The following SLC35F2 variants were observed in gnomAD, a reference collection of about 807,000 sequenced individuals.
The protein encoded by SLC35F2 is solute carrier family 35 member F2, also known as queuine/queuosine transporter SLC35F2.
In SLC35F2, 25 loss-of-function variants were observed where a neutral mutation model predicts 38.1. That is an observed-to-expected ratio of 0.66 (90% CI 0.48 to 0.92). The LOEUF (loss-of-function observed/expected upper bound fraction) is 0.92. Ranked by LOEUF, SLC35F2 falls within the 40% of genes least tolerant of loss-of-function variation. The pLI is 0.00. For synonymous variants in SLC35F2, 173 were observed against 181.7 expected (o/e 0.95, Z 0.38); for missense variants, 409 against 452.9 (o/e 0.90, Z 0.88).
At chr11:107,839,817 C>A (rs576168158) in intron 1 of SLC35F2, among the ~76,000 whole-genome samples, 1 of 152,186 alleles carries the variant, frequency 6.6e-6, no homozygotes, top group East Asian at 1.9e-4. Context: ...CCACGCCTGG[C>A]TAATTTTGTA....
intron 7 of SLC35F2, among the ~76,000 whole-genome samples, chr11:107,795,992 G>A (rs919106548): frequency 3.9e-5 from 6 of 152,098 alleles, no homozygotes; most frequent in South Asian, 4.1e-4. Flanking sequence ...AAACTAGCTG[G>A]GTGTGGTGGT....
At position 107,792,621 on chromosome 11, in the gene SLC35F2, G is replaced by T. The variant is rs757436900; in HGVS notation, c.1119C>A (p.Val373=). ...EENLQETHSA[V]L is the part of the protein sequence containing the mutation. ...GGTGCGCCATCTTCTCCAGCTACAAGACAGCAGAGTGGGTCTCCTGGAGGT... is the reference window on the plus strand; with the variant it reads ...GGTGCGCCATCTTCTCCAGCTACAATACAGCAGAGTGGGTCTCCTGGAGGT... The change falls in exon 8 of 8, where the codon GTC becomes GTA. Residue 373 remains valine, a synonymous_variant. Coordinates refer to ENST00000525815, the MANE Select transcript of SLC35F2 (RefSeq NM_017515.5). 2 of 1,609,454 alleles carry T rather than the reference G, an allele frequency of 1.2e-6. No homozygotes were observed. The highest frequency in any genetic ancestry group is 1.7e-6 in the Non-Finnish European group (2 of 1,178,290).
intron 1 of SLC35F2, among the ~76,000 whole-genome samples, chr11:107,816,776 T>C (rs1859581009): frequency 6.6e-6 from 1 of 152,174 alleles, no homozygotes; most frequent in Non-Finnish European, 1.5e-5. Context: ...CATGCTGGAT[T>C]TTGTTTAATT....
At chr11:107,797,921 T>C (rs1859246201) in intron 7 of SLC35F2, among the ~76,000 whole-genome samples, 1 of 152,228 alleles carries the variant, frequency 6.6e-6, no homozygotes, top group Non-Finnish European at 1.5e-5. Flanking sequence ...AAAAAATTGA[T>C]TCAGAGAATA....
intron 1 of SLC35F2, 82 bp downstream of exon 1, chr11:107,858,576 G>T: frequency 8.4e-7 from 1 of 1,188,234 alleles, no homozygotes; most frequent in Non-Finnish European, 1.1e-6. Flanking sequence ...GCCTCAGAGA[G>T]TGTGCTCCTT....
intron 1 of SLC35F2, chr11:107,821,405 CATA>C (rs1859670083): frequency 2.5e-5 from 25 of 985,232 alleles, no homozygotes; most frequent in Non-Finnish European, 2.9e-5. Flanking sequence ...GGCTCCAAAT[CATA>C]ATGACCTCAT....
At chr11:107,814,233 C>T (rs370007760) in intron 2 of SLC35F2, among the ~76,000 whole-genome samples, 6 of 152,070 alleles carry the variant, frequency 3.9e-5, no homozygotes, top group South Asian at 4.2e-4. Flanking sequence ...TTTGGGAGGC[C>T]GAGGCAGACA....
intron 1 of SLC35F2, among the ~76,000 whole-genome samples, chr11:107,830,346 G>T (rs929197848): frequency 1.4e-4 from 22 of 152,124 alleles, no homozygotes; most frequent in African/African-American, 4.8e-4. Flanking sequence ...AGCACTGTGG[G>T]AGGCCGAGGC....
intron 1 of SLC35F2, among the ~76,000 whole-genome samples, chr11:107,826,589 G>A (rs2134815688): frequency 6.6e-6 from 1 of 152,240 alleles, no homozygotes; most frequent in African/African-American, 2.4e-5. Flanking sequence ...ACAGCAGAGG[G>A]AGCAAAGTAA....
intron 7 of SLC35F2, among the ~76,000 whole-genome samples, chr11:107,798,782 A>T (rs1297075304): frequency 1.3e-5 from 2 of 152,138 alleles, no homozygotes; most frequent in African/African-American, 2.4e-5. Context: ...TGCCTTTAAA[A>T]ACTACTTCTT....
chr11:107,839,948 C>T (rs1859989957), intron 1 of SLC35F2, among the ~76,000 whole-genome samples: 1 of 152,182 alleles, frequency 6.6e-6, no homozygotes, highest in Non-Finnish European at 1.5e-5. Context: ...CCACCGTGCC[C>T]AACCTGAAAC....
chr11:107,856,105 C>CA (rs1229189240), intron 1 of SLC35F2, among the ~76,000 whole-genome samples: 4,512 of 95,240 alleles, frequency 0.047, 115 homozygotes, highest in African/African-American at 0.071. Context: ...AACTCTGTCT[C>CA]AAAAAAAAAA....
chr11:107,823,970 G>A (rs1461991863), intron 1 of SLC35F2: 1 of 928,262 alleles, frequency 1.1e-6, no homozygotes, highest in Non-Finnish European at 1.3e-6. Flanking sequence ...TAAATTATAA[G>A]TAGCTTTTCT....
chr11:107,801,601 A>T (rs561726817), intron 7 of SLC35F2, among the ~76,000 whole-genome samples: 6 of 149,578 alleles, frequency 4.0e-5, no homozygotes, highest in African/African-American at 1.5e-4. Flanking sequence ...TAAAATTTTA[A>T]AAAGAGTGAT....
chr11:107,791,904 T>TAACA lies in SLC35F2; in HGVS notation c.*707_*710dup, dbSNP rs1859138239. On this transcript the variant is annotated 3_prime_UTR_variant, in exon 8 of 8. Coordinates refer to ENST00000525815, the MANE Select transcript of SLC35F2 (RefSeq NM_017515.5). ...CACATGCTTTTGTAATCCCAGCTAC[T>TAACA]AACACTTGAATCCAGGAGGCAGAGG... 1 of 151,984 alleles carries TAACA rather than the reference T, an allele frequency of 6.6e-6. No homozygotes were observed. The highest frequency in any genetic ancestry group is 2.1e-4 in the South Asian group (1 of 4,820). The allele number at this position is 151,984 out of a possible 1,614,324, so 9.4% of individuals were successfully genotyped here.
At chr11:107,816,285 T>C (rs1859573103) in intron 1 of SLC35F2, 1 of 974,172 alleles carries the variant, frequency 1.0e-6, no homozygotes, top group African/African-American at 1.8e-5. Context: ...TGTGTGTGTA[T>C]GACTTTTTTT....
intron 6 of SLC35F2, among the ~76,000 whole-genome samples, chr11:107,803,916 C>A (rs769116282): frequency 2.0e-5 from 3 of 152,108 alleles, no homozygotes; most frequent in Non-Finnish European, 2.9e-5. Flanking sequence ...ACCTCCGCCT[C>A]CCAGGTTCAA....
chr11:107,845,950 C>CATAAATAAATAAATAAATAAATAA (rs57548679), intron 1 of SLC35F2, among the ~76,000 whole-genome samples: 1 of 142,852 alleles, frequency 7.0e-6, no homozygotes, highest in African/African-American at 2.6e-5. Flanking sequence ...GAGATTCTGT[C>CATAAATAAATAAATAAATAAATAA]ATAAATAAAT....
intron 1 of SLC35F2, among the ~76,000 whole-genome samples, chr11:107,857,129 GAGGA>G (rs1382362698): frequency 8.7e-6 from 1 of 114,626 alleles, no homozygotes; most frequent in Non-Finnish European, 1.8e-5. Context: ...GGAAGGAAGG[GAGGA>G]AGGAAGGGAG....
Sources: gnomAD v4.1 joint callset for allele counts (sites outside exome capture counted in the v4.1 genomes callset) on GRCh38, gnomAD v4.1.1 for gene constraint, MANE v1.5 for transcripts, NCBI Gene and HGNC (gene_info 2026-07-23, HGNC 2026-07-21) for gene names.